Variants in DMD observed in about 807,000 individuals in gnomAD.
The protein encoded by DMD is dystrophin.
DMD carries 63 observed loss-of-function variants against 330.1 expected under a neutral mutation model. The observed-to-expected ratio is 0.19, with a 90% confidence interval of 0.16 to 0.24. The LOEUF is 0.24. Ranked by LOEUF, DMD falls within the 10% of genes least tolerant of loss-of-function variation. The pLI, the probability that DMD is intolerant of heterozygous loss-of-function variation, is 1.00. For missense variants in DMD, 3,344 were observed against 2,684.1 expected (o/e 1.25, Z -5.43); for synonymous variants, 1,223 against 959.8 (o/e 1.27, Z -5.07).
intron 11 of DMD, among the ~76,000 whole-genome samples, chrX:32,619,079 C>T (rs754787000): frequency 3.6e-5 from 4 of 111,013 alleles, no homozygotes; most frequent in East Asian, 2.8e-4. Context: ...AACATATGAA[C>T]GGATAAAGAA....
chrX:32,596,793 C>A (rs950983150), intron 12 of DMD, among the ~76,000 whole-genome samples: 4 of 110,704 alleles, frequency 3.6e-5, no homozygotes, highest in Non-Finnish European at 7.6e-5. Flanking sequence ...GTAATCTACC[C>A]ACCTCAGCCT....
chrX:32,563,342 CAAAAAA>C (rs745316161), intron 16 of DMD, among the ~76,000 whole-genome samples: 1 of 42,853 alleles, frequency 2.3e-5, no homozygotes, highest in African/African-American at 9.1e-5. Flanking sequence ...GACTCCATCT[CAAAAAA>C]AAAAAAAAAA....
chrX:31,783,681 A>G, intron 50 of DMD, among the ~76,000 whole-genome samples: 1 of 111,041 alleles, frequency 9.0e-6, no homozygotes. Flanking sequence ...ATATATATGC[A>G]TATGTATATA....
intron 44 of DMD, among the ~76,000 whole-genome samples, chrX:32,117,833 A>T (rs1667194528): frequency 9.0e-6 from 1 of 111,279 alleles, no homozygotes; most frequent in South Asian, 3.8e-4. Flanking sequence ...TTCTATATGG[A>T]CCTAGAAGGA....
At chrX:32,767,521 G>C (rs1333474908) in intron 7 of DMD, among the ~76,000 whole-genome samples, 6 of 111,312 alleles carry the variant, frequency 5.4e-5, no homozygotes, top group African/African-American at 2.0e-4. Context: ...ATCCAATTTA[G>C]AGTGTCAGAC....
At chrX:32,802,927 AT>A (rs781119639) in intron 7 of DMD, among the ~76,000 whole-genome samples, 6 of 110,933 alleles carry the variant, frequency 5.4e-5, no homozygotes, top group South Asian at 3.8e-4. Context: ...TTGACCTGAA[AT>A]TTTTTTTATT....
At chrX:32,405,968 A>G (rs747458700) in intron 30 of DMD, among the ~76,000 whole-genome samples, 55 of 110,977 alleles carry the variant, frequency 5.0e-4, no homozygotes, top group Non-Finnish European at 9.3e-4. Context: ...GGTCCTTCAC[A>G]TCCCTTGTAA....
chrX:32,645,843 T>A (rs2059747827), intron 9 of DMD, among the ~76,000 whole-genome samples: 1 of 112,344 alleles, frequency 8.9e-6, no homozygotes, highest in South Asian at 3.7e-4. Flanking sequence ...TGCAAATGGT[T>A]GTCTTGGAAT....
chrX:31,181,067 AC>A (rs2041107138), intron 68 of DMD, among the ~76,000 whole-genome samples: 2 of 111,778 alleles, frequency 1.8e-5, no homozygotes, highest in Non-Finnish European at 3.8e-5. Flanking sequence ...GAAATCTCTC[AC>A]CCCATTACCT....
chrX:31,195,879 A>G (rs1175922760), intron 67 of DMD, among the ~76,000 whole-genome samples: 2 of 111,048 alleles, frequency 1.8e-5, no homozygotes, highest in African/African-American at 6.6e-5. Context: ...AGGAAGGAAG[A>G]AAGAAAGATT....
At chrX:31,724,390 G>A (rs895264169) in intron 52 of DMD, among the ~76,000 whole-genome samples, 5 of 112,057 alleles carry the variant, frequency 4.5e-5, no homozygotes, top group Admixed American at 9.5e-5. Context: ...TTCAAAAATC[G>A]TGTGAGAGAT....
Position 32,187,513 on chromosome X carries a change from A to T in DMD, c.6438+29403T>A, listed in dbSNP as rs2096952915. ...GAAAAGATTAACACATGTTTTAAAA[A>T]GAGATACATATGTATGTCAAAATTA... On this transcript the variant is annotated intron_variant, in intron 44 of 78. Coordinates refer to ENST00000357033, the MANE Select transcript of DMD (RefSeq NM_004006.3). 2.7e-5 allele frequency among the ~76,000 whole-genome samples: 3 copies of T among 111,835 alleles called. No homozygotes were observed. In the South Asian group the frequency reaches 1.1e-3, roughly 41 times the overall value.
chrX:32,244,936 C>A (rs1431512654), intron 43 of DMD, among the ~76,000 whole-genome samples: 3 of 74,870 alleles, frequency 4.0e-5, no homozygotes, highest in Non-Finnish European at 7.2e-5. Flanking sequence ...ATGGTAGTTT[C>A]TTTTGCTGTG....
At chrX:31,598,456 G>A (rs181188853) in intron 55 of DMD, among the ~76,000 whole-genome samples, 24 of 111,451 alleles carry the variant, frequency 2.2e-4, no homozygotes, top group Admixed American at 9.6e-4. Flanking sequence ...AACTTTTACA[G>A]TAGAAATACT....
intron 59 of DMD, among the ~76,000 whole-genome samples, chrX:31,464,478 G>A (rs1433704025): frequency 8.9e-6 from 1 of 112,351 alleles, no homozygotes; most frequent in Non-Finnish European, 1.9e-5. Flanking sequence ...GCAGAAGGAT[G>A]TTTCCCTTAT....
chrX:32,999,799 C>CA (rs112206827), intron 2 of DMD, among the ~76,000 whole-genome samples: 14 of 70,805 alleles, frequency 2.0e-4, no homozygotes, highest in Admixed American at 3.2e-4. Flanking sequence ...AAAACAAAAA[C>CA]AAAAAACAAA....
chrX:31,748,334 A>G (rs1003809947), intron 51 of DMD, among the ~76,000 whole-genome samples: 1 of 112,142 alleles, frequency 8.9e-6, no homozygotes, highest in Non-Finnish European at 1.9e-5. Context: ...TGTTGGGAGC[A>G]TTAAATATTC....
intron 3 of DMD, among the ~76,000 whole-genome samples, 154 bp from the exon 4 acceptor site, chrX:32,845,014 A>T (rs1391715956): frequency 8.9e-6 from 1 of 111,931 alleles, no homozygotes; most frequent in Non-Finnish European, 1.9e-5. Flanking sequence ...ACTTTGCGCT[A>T]ATTGTCCTTG....
chrX:32,760,732 A>G (rs2148376323), intron 7 of DMD, among the ~76,000 whole-genome samples: 1 of 112,223 alleles, frequency 8.9e-6, no homozygotes, highest in South Asian at 3.7e-4. Context: ...TTGATGTTGC[A>G]TATAGGCATC....
Sources: allele counts gnomAD v4.1 joint callset (sites outside exome capture counted in the v4.1 genomes callset), GRCh38; gene constraint gnomAD v4.1.1; transcripts MANE v1.5; gene names NCBI Gene and HGNC (gene_info 2026-07-23, HGNC 2026-07-21).